ZNF438: variants seen among roughly 807,000 people sequenced by gnomAD.
ZNF438 encodes the protein zinc finger protein 438.
Under a neutral mutation model 38.0 loss-of-function variants are expected in ZNF438, and 25 were observed. The observed-to-expected ratio is 0.66, with a 90% CI of 0.48 to 0.92. The LOEUF is 0.92. Ranked by LOEUF, ZNF438 falls within the 40% of genes least tolerant of loss-of-function variation. The pLI is 0.00. For missense variants in ZNF438, 1,007 were observed against 999.6 expected, an observed-to-expected ratio of 1.01 and a Z score of -0.10; for synonymous variants, 372 against 364.1, an observed-to-expected ratio of 1.02 and a Z score of -0.25.
chr10:30,890,206 G>GGC (rs143113820), intron 3 of ZNF438, among the ~76,000 whole-genome samples: 220 of 152,110 alleles, frequency 1.4e-3, no homozygotes, highest in African/African-American at 4.8e-3. Context: ...TGCACATACA[G>GGC]GCACCTGTGT....
At chr10:30,883,766 A>T (rs1346881594) in intron 3 of ZNF438, among the ~76,000 whole-genome samples, 1 of 152,184 alleles carries the variant, frequency 6.6e-6, no homozygotes, top group Non-Finnish European at 1.5e-5. Flanking sequence ...GCGTATCCAT[A>T]GTCCAGATAC....
intron 1 of ZNF438, among the ~76,000 whole-genome samples, chr10:30,965,448 G>A (rs1001651024): frequency 1.9e-4 from 29 of 152,064 alleles, no homozygotes; most frequent in African/African-American, 6.0e-4. Context: ...AAAATAAATC[G>A]TTCTACAAAC....
At chr10:30,892,631 A>T (rs552132729) in intron 3 of ZNF438, among the ~76,000 whole-genome samples, 3 of 152,234 alleles carry the variant, frequency 2.0e-5, no homozygotes, top group African/African-American at 7.2e-5. Flanking sequence ...ATTGAAAAAT[A>T]AGTCTCCTTC....
At chr10:30,928,417 G>A (rs1343363223) in intron 2 of ZNF438, among the ~76,000 whole-genome samples, 1 of 151,966 alleles carries the variant, frequency 6.6e-6, no homozygotes, top group African/African-American at 2.4e-5. Flanking sequence ...TGACGAAAGG[G>A]AAGACAAAAA....
intron 1 of ZNF438, among the ~76,000 whole-genome samples, chr10:30,961,954 T>C (rs1179600521): frequency 6.8e-6 from 1 of 146,234 alleles, no homozygotes; most frequent in African/African-American, 2.4e-5. Flanking sequence ...CGTTTAAAAC[T>C]ACCAGAGAGG....
At chr10:30,944,579 A>ATCAT (rs2047165564) in intron 1 of ZNF438, among the ~76,000 whole-genome samples, 1 of 152,222 alleles carries the variant, frequency 6.6e-6, no homozygotes, top group African/African-American at 2.4e-5. Flanking sequence ...CTTAATAATG[A>ATCAT]GACCCAGTTC....
chr10:30,979,976 T>C (rs2136403442), intron 1 of ZNF438, among the ~76,000 whole-genome samples: 2 of 152,322 alleles, frequency 1.3e-5, no homozygotes, highest in Middle Eastern at 6.8e-3. Context: ...ACTTTTCTTC[T>C]CTCTAAATCT....
chr10:31,005,293 G>T (rs1200460941), intron 1 of ZNF438, among the ~76,000 whole-genome samples: 1 of 152,122 alleles, frequency 6.6e-6, no homozygotes, highest in Non-Finnish European at 1.5e-5. Context: ...ATATATATAT[G>T]TACATGCACG....
chr10:30,852,647 T>C (rs2033878745), intron 4 of ZNF438, among the ~76,000 whole-genome samples: 1 of 152,236 alleles, frequency 6.6e-6, no homozygotes, highest in Non-Finnish European at 1.5e-5. Context: ...ACCAGTTTAT[T>C]TTTAGAAAGT....
At chr10:30,988,698 TTTC>T (rs1564803764) in intron 1 of ZNF438, among the ~76,000 whole-genome samples, 1 of 152,158 alleles carries the variant, frequency 6.6e-6, no homozygotes. Context: ...TTTAAAATAA[TTTC>T]TTAATAGGAC....
intron 1 of ZNF438, among the ~76,000 whole-genome samples, chr10:30,943,097 G>C (rs545601630): frequency 6.6e-6 from 1 of 152,230 alleles, no homozygotes; most frequent in Non-Finnish European, 1.5e-5. Flanking sequence ...CTTTAACAAG[G>C]TTTTTGTCAT....
intron 1 of ZNF438, among the ~76,000 whole-genome samples, chr10:31,029,075 G>A (rs755853299): frequency 1.7e-4 from 26 of 152,152 alleles, no homozygotes; most frequent in Non-Finnish European, 2.9e-4. Context: ...ATGTTCACTC[G>A]GAGGTGGTTA....
chr10:30,955,426 A>T (rs1410900747), intron 1 of ZNF438, among the ~76,000 whole-genome samples: 1 of 152,252 alleles, frequency 6.6e-6, no homozygotes, highest in Non-Finnish European at 1.5e-5. Flanking sequence ...GTGATATGGT[A>T]CCATTTTTCA....
intron 4 of ZNF438, among the ~76,000 whole-genome samples, chr10:30,853,332 A>G (rs958432993): frequency 2.6e-5 from 4 of 152,212 alleles, no homozygotes; most frequent in Non-Finnish European, 4.4e-5. Flanking sequence ...AATCTGTCCA[A>G]TGGCTCTTCA....
At chr10:30,950,598 C>T (rs1371685703) in intron 1 of ZNF438, among the ~76,000 whole-genome samples, 1 of 150,890 alleles carries the variant, frequency 6.6e-6, no homozygotes, top group African/African-American at 2.4e-5. Context: ...TACAAACTAC[C>T]ATCAGAGAAT....
intron 1 of ZNF438, among the ~76,000 whole-genome samples, chr10:31,011,430 G>A (rs1445468846): frequency 6.6e-6 from 1 of 152,172 alleles, no homozygotes; most frequent in South Asian, 2.1e-4. Context: ...TAAAAGGTCT[G>A]AAAACCTAGA....
At chr10:30,849,616 A>G (rs1174998910) in exon 5 of ZNF438, 1 of 1,614,204 alleles carries the variant, frequency 6.2e-7, no homozygotes, top group African/African-American at 1.3e-5. Context: ...TTGCAAGATC[A>G]ACTTGTTCTT....
chr10:30,951,986 C>G (rs867069833), intron 1 of ZNF438, among the ~76,000 whole-genome samples: 1 of 150,538 alleles, frequency 6.6e-6, no homozygotes, highest in Admixed American at 6.6e-5. Flanking sequence ...CATCACACTA[C>G]CTGACTTCAA....
At chr10:30,908,441 G>T (rs1270917805) in intron 3 of ZNF438, among the ~76,000 whole-genome samples, 1 of 152,134 alleles carries the variant, frequency 6.6e-6, no homozygotes, top group African/African-American at 2.4e-5. Context: ...TTTCAAGAGG[G>T]TGCTTACCTT....
Sources: allele counts gnomAD v4.1 joint callset (sites outside exome capture counted in the v4.1 genomes callset), GRCh38; gene constraint gnomAD v4.1.1; transcripts MANE v1.5; gene names NCBI Gene and HGNC (gene_info 2026-07-23, HGNC 2026-07-21).